Variants in PYY observed in about 807,000 individuals in gnomAD.
PYY encodes peptide tyrosine tyrosine.
A neutral mutation model predicts 10.3 loss-of-function variants in PYY; 12 were observed. The ratio of observed to expected loss-of-function variants is 1.17; its 90% confidence interval spans 0.75 to 1.89. The LOEUF (loss-of-function observed/expected upper bound fraction) is 1.89, where lower values mean the gene tolerates loss of function less well. Ranked by LOEUF, PYY falls within the 40% of genes most tolerant of loss-of-function variation. The probability of loss-of-function intolerance (pLI) is 0.00; values close to 1 mark genes in which losing one functional copy is unlikely to be tolerated. For missense variants in PYY, 141 were observed against 134.0 expected, an observed-to-expected ratio of 1.05 and a Z score of -0.26; for synonymous variants, 66 against 62.0, an observed-to-expected ratio of 1.06 and a Z score of -0.30.
intron 1 of PYY, among the ~76,000 whole-genome samples, chr17:43,974,635 A>G (rs1478820610): frequency 6.6e-6 from 1 of 152,130 alleles, no homozygotes; most frequent in Non-Finnish European, 1.5e-5. Flanking sequence ...GCACCCCATA[A>G]CGTGCTACAT....
upstream of PYY, among the ~76,000 whole-genome samples, chr17:43,957,269 C>G (rs566460932): frequency 3.2e-4 from 49 of 151,880 alleles, no homozygotes; most frequent in African/African-American, 1.2e-3. Context: ...GTGCCAGGCA[C>G]TGATCTAGGC....
chr17:43,990,438 CAAAAAAA>C (rs59522069), intron 1 of PYY, among the ~76,000 whole-genome samples: 13 of 92,814 alleles, frequency 1.4e-4, no homozygotes, highest in Non-Finnish European at 2.3e-4. Context: ...GACTCCATCT[CAAAAAAA>C]AAAAAAAAAA....
intron 1 of PYY, among the ~76,000 whole-genome samples, chr17:43,998,370 C>A (rs2049004627): frequency 6.6e-6 from 1 of 151,888 alleles, no homozygotes; most frequent in African/African-American, 2.4e-5. Flanking sequence ...CCAGCCTGGG[C>A]AATACGATGA....
chr17:43,996,709 A>G (rs2048994378), intron 1 of PYY, among the ~76,000 whole-genome samples: 1 of 151,980 alleles, frequency 6.6e-6, no homozygotes, highest in African/African-American at 2.4e-5. Flanking sequence ...TTGTTTTGAG[A>G]CAGGGTCTTG....
intron 1 of PYY, among the ~76,000 whole-genome samples, chr17:43,976,775 CCAAAAACATAAAAA>C (rs1184511735): frequency 6.6e-6 from 1 of 152,048 alleles, no homozygotes; most frequent in Non-Finnish European, 1.5e-5. Flanking sequence ...CTGTCTCAAA[CCAAAAACATAAAAA>C]CAAAAACAAA....
At chr17:43,972,418 T>A (rs1417664194) in intron 1 of PYY, among the ~76,000 whole-genome samples, 3 of 152,108 alleles carry the variant, frequency 2.0e-5, no homozygotes, top group Non-Finnish European at 4.4e-5. Context: ...TTTCACCATG[T>A]TGGGCCAGGC....
intron 1 of PYY, among the ~76,000 whole-genome samples, chr17:43,976,465 A>G (rs899038531): frequency 4.8e-5 from 7 of 144,838 alleles, no homozygotes; most frequent in African/African-American, 1.5e-4. Flanking sequence ...ATATATATAC[A>G]CACACACACA....
At chr17:43,967,048 A>T (rs572256666) in intron 1 of PYY, among the ~76,000 whole-genome samples, 1 of 152,310 alleles carries the variant, frequency 6.6e-6, no homozygotes, top group East Asian at 1.9e-4. Flanking sequence ...CACACCTCTA[A>T]TCCTAGCACT....
At chr17:43,998,522 C>A (rs1035757067) in intron 1 of PYY, among the ~76,000 whole-genome samples, 1 of 151,956 alleles carries the variant, frequency 6.6e-6, no homozygotes, top group African/African-American at 2.4e-5. Context: ...CAAGCCACTG[C>A]ACTTCAATCT....
At chr17:43,963,246 C>T (rs185756356) in intron 2 of PYY, among the ~76,000 whole-genome samples, 2 of 152,096 alleles carry the variant, frequency 1.3e-5, no homozygotes, top group Non-Finnish European at 2.9e-5. Flanking sequence ...GGTGGCTCAT[C>T]CCTGTAATCC....
At chr17:43,963,859 C>CA (rs991923958) in intron 2 of PYY, among the ~76,000 whole-genome samples, 6 of 151,282 alleles carry the variant, frequency 4.0e-5, no homozygotes, top group South Asian at 2.1e-4. Flanking sequence ...GAAAAAAATA[C>CA]AAAAAATAGC....
At chr17:43,962,371 G>A (rs947385043) in intron 2 of PYY, among the ~76,000 whole-genome samples, 6 of 152,108 alleles carry the variant, frequency 3.9e-5, no homozygotes, top group Non-Finnish European at 8.8e-5. Context: ...AGTGTACAAT[G>A]TGATGATTTG....
intron 1 of PYY, among the ~76,000 whole-genome samples, chr17:43,982,827 C>T (rs1269072344): frequency 1.3e-5 from 2 of 152,162 alleles, no homozygotes; most frequent in Non-Finnish European, 2.9e-5. Flanking sequence ...TCATTTTGTC[C>T]TGGATAAGAG....
chr17:43,995,296 A>G (rs572427846), intron 1 of PYY, among the ~76,000 whole-genome samples: 94 of 152,182 alleles, frequency 6.2e-4, no homozygotes, highest in African/African-American at 2.2e-3. Context: ...ATTAAGTAGA[A>G]CCCTATGAAA....
intron 1 of PYY, among the ~76,000 whole-genome samples, chr17:43,989,193 T>C (rs1334253645): frequency 6.6e-6 from 1 of 151,874 alleles, no homozygotes; most frequent in Non-Finnish European, 1.5e-5. Context: ...GCTAACACGG[T>C]GAAACCCCGT....
At chr17:43,966,709 G>A (rs1422406652) in intron 1 of PYY, among the ~76,000 whole-genome samples, 1 of 152,164 alleles carries the variant, frequency 6.6e-6, no homozygotes, top group Non-Finnish European at 1.5e-5. Flanking sequence ...CTATGTAATT[G>A]ACTTATTTGT....
At position 43,953,433 on chromosome 17, in the gene PYY, G is replaced by C. The variant is rs565158038; in HGVS notation, c.51C>G (p.Ala17=). 1.2e-6 allele frequency: 2 copies of C among 1,612,570 alleles called. No homozygotes were observed. The highest frequency in any genetic ancestry group is 1.1e-5 in the South Asian group (1 of 90,944). Residue 17 remains alanine, a synonymous_variant, in exon 2 of 4, where the codon GCC becomes GCG. Transcript: ENST00000692052. ...PWPALTTVLL[A]LLVCLGALVD... ...CCAGCGCCCCTAGGCAGACGAGCAG[G>C]GCCAGAAGCACTGTGGTCAAGGCGG...
In PYY at chr17:43,979,354, T is replaced by C. The variant is rs571735202; in HGVS notation, c.-462-12822A>G. On this transcript the variant is annotated intron_variant, in intron 1 of 6. Transcript: ENST00000360085. ...ATCCCTGATTTAAGTCCTTGTTATT[T>C]TGAAATTTCTCTTCACTCACAGCTG... 3.9e-5 allele frequency among the ~76,000 whole-genome samples: 6 copies of C among 152,310 alleles called. No individual in the cohort carries two copies. In the South Asian group the frequency reaches 8.3e-4, roughly 21 times the overall value.
chr17:43,960,303 G>A lies in PYY; in HGVS notation c.-217-2275C>T, dbSNP rs1390570787. On this transcript the variant is annotated intron_variant, in intron 2 of 6. Transcript: ENST00000360085. ...CACACCTGTAATCCCAGCACTTTGG[G>A]AGGCCAAGGCGGGTGGGTCACCTGA... Among the ~76,000 whole-genome samples, 6 of 152,196 alleles carry A rather than the reference G, an allele frequency of 3.9e-5. No individual in the cohort carries two copies. In the South Asian group the frequency reaches 1.2e-3, roughly 32 times the overall value.
Sources: gnomAD v4.1 joint callset for allele counts (sites outside exome capture counted in the v4.1 genomes callset) on GRCh38, gnomAD v4.1.1 for gene constraint, MANE v1.5 for transcripts, NCBI Gene and HGNC (gene_info 2026-07-23, HGNC 2026-07-21) for gene names.